The following GEMIN4 variants were observed in gnomAD, a reference collection of about 807,000 sequenced individuals.
GEMIN4 encodes the protein gem-associated protein 4.
A neutral mutation model predicts 76.8 loss-of-function variants in GEMIN4; 59 were observed. The observed-to-expected ratio is 0.77, with a 90% CI of 0.62 to 0.95. The LOEUF (loss-of-function observed/expected upper bound fraction) is 0.95. Ranked by LOEUF, GEMIN4 falls within the 40% of genes least tolerant of loss-of-function variation. The probability of loss-of-function intolerance (pLI) is 0.00; values close to 1 mark genes in which losing one functional copy is unlikely to be tolerated. For missense variants in GEMIN4, 1,311 were observed against 1,318.9 expected, an observed-to-expected ratio of 0.99 and a Z score of 0.09; for synonymous variants, 562 against 559.7, an observed-to-expected ratio of 1.00 and a Z score of -0.06.
At chr17:749,591 G>C (rs1422218384) in intron 1 of GEMIN4, among the ~76,000 whole-genome samples, 1 of 149,958 alleles carries the variant, frequency 6.7e-6, no homozygotes, top group Non-Finnish European at 1.5e-5. Flanking sequence ...ACGGCTACAG[G>C]GTAATGGGCA....
chr17:745,616 G>C lies in GEMIN4; in HGVS notation c.2427C>G (p.Tyr809Ter). The C allele has an allele frequency of 6.2e-7, 1 of 1,606,758 alleles. No individual in the cohort carries two copies. The highest frequency in any genetic ancestry group is 8.5e-7 in the Non-Finnish European group (1 of 1,177,232). Residue 809 changes from tyrosine (Y) to a stop codon, truncating the protein, a stop_gained, in exon 2 of 2, where the codon TAC (tyrosine) becomes TAG (stop). Transcript: ENST00000319004. LOFTEE classifies it high-confidence loss of function. The surrounding 1 kb of genome is among the most constrained non-coding windows in gnomAD (Gnocchi z 4.6). ...AGGCCAGGAGCCCCGTGCCAGCCCC[G>C]TACCCTGGGTGGGCCTGGGAGGTCC... ...DEWTSQAHPGYGAGTGLLAWM... is the reference protein window; with the variant it reads ...DEWTSQAHPG
intron 1 of GEMIN4, chr17:749,859 T>C: frequency 1.0e-6 from 1 of 994,130 alleles, no homozygotes; most frequent in Non-Finnish European, 1.2e-6. Context: ...AGGGAAACGG[T>C]CCACCCCACA....
At position 745,904 on chromosome 17, in the gene GEMIN4, C is replaced by G. The variant is rs1974384541; in HGVS notation, c.2139G>C (p.Gln713His). 1 of 1,612,960 alleles carries G rather than the reference C, an allele frequency of 6.2e-7. No homozygotes were observed. Among genetic ancestry groups the G allele is most frequent in the African/African-American group, 1.3e-5 (1 of 74,900 alleles). ...AGAGGCACCGCTTCTCCTTGGGAAG[C>G]TGCCAGTATTTGCTGAAGCGGTCCA... ...QLLDRFSKYW[Q>H]LPKEKRCLSL... Residue 713 changes from glutamine to histidine, a missense_variant, in exon 2 of 2, where the codon CAG becomes CAC. By Grantham distance (24) the Gln-to-His change is conservative (BLOSUM62 0). Transcript: ENST00000319004. The surrounding 1 kb of genome is among the most constrained non-coding windows in gnomAD (Gnocchi z 4.6).
In GEMIN4 at chr17:745,552, T is replaced by C. The variant is rs1317044147; in HGVS notation, c.2491A>G (p.Arg831Gly). ...CCCVSSGISERMLSLLVVDVG... is the reference protein window; with the variant it reads ...CCCVSSGISEGMLSLLVVDVG... ...TCCACCACCAAGAGAGACAGCATCCTCTCCGAGATGCCGCTGGAGACGCAG... is the reference window on the plus strand; with the variant it reads ...TCCACCACCAAGAGAGACAGCATCCCCTCCGAGATGCCGCTGGAGACGCAG... The change falls in exon 2 of 2, where the codon AGG becomes GGG. Residue 831 changes from arginine (R) to glycine (G), a missense_variant. Coordinates refer to ENST00000319004, the MANE Select transcript of GEMIN4 (RefSeq NM_015721.3). This position sits in a 1 kb window ranked among gnomAD's most constrained non-coding sequence, Gnocchi z 4.6. 1.2e-6 allele frequency: 2 copies of C among 1,612,540 alleles called. No individual in the cohort carries two copies. Among genetic ancestry groups the C allele is most frequent in the South Asian group, 2.2e-5 (2 of 90,996 alleles).
chr17:749,474 A>C (rs1904520661), intron 1 of GEMIN4: 1 of 177,060 alleles, frequency 5.6e-6, no homozygotes, highest in African/African-American at 2.5e-5. Flanking sequence ...GGCACAGAGC[A>C]ATCACACAGC....
Position 745,008 on chromosome 17 carries a change from T to C in GEMIN4, c.3035A>G (p.Tyr1012Cys). 8 of 1,613,942 alleles carry C rather than the reference T, an allele frequency of 5.0e-6. No homozygotes were observed. The highest frequency in any genetic ancestry group is 4.4e-5 in the South Asian group (4 of 91,084). Residue 1012 changes from tyrosine to cysteine, a missense_variant, in exon 2 of 2, where the codon TAT (tyrosine) becomes TGT (cysteine). Transcript: ENST00000319004. The surrounding 1 kb of genome is among the most constrained non-coding windows in gnomAD (Gnocchi z 4.6). ...YVLALETLTC[Y>C]ETLSKTNPSV... ...AGGGTTGGTCTTGCTCAAAGTCTCA[T>C]AGCAGGTGAGGGTTTCCAAGGCTAA...
upstream of GEMIN4, chr17:753,640 G>A (rs2251689): frequency 0.44 from 67,466 of 152,742 alleles, 16,459 homozygotes; most frequent in African/African-American, 0.66. Context: ...GGAGAAACTC[G>A]GTGACTGAGT....
At position 746,281 on chromosome 17, in the gene GEMIN4, G is replaced by A. The variant is rs764701907; in HGVS notation, c.1762C>T (p.Leu588Phe). The change falls in exon 2 of 2, where the codon CTT (leucine) becomes TTT (phenylalanine). Residue 588 changes from leucine to phenylalanine, a missense_variant. By Grantham distance (22) the Leu-to-Phe change is conservative (BLOSUM62 0). Transcript: ENST00000319004. This position sits in a 1 kb window ranked among gnomAD's most constrained non-coding sequence, Gnocchi z 4.3. Reference sequence around the variant, plus strand: ...GGACCCTGCTCTTCCACAAACCTAAGGGCAGGGAAGGCAGTGAGAATCTGG... The same window carrying A: ...GGACCCTGCTCTTCCACAAACCTAAAGGCAGGGAAGGCAGTGAGAATCTGG... ...LAQILTAFPA[L>F]RFVEEQGPNS... The A allele has an allele frequency of 1.1e-5, 17 of 1,613,658 alleles. No homozygotes were observed. The highest frequency in any genetic ancestry group is 1.7e-5 in the Admixed American group (1 of 59,996).
At position 746,364 on chromosome 17, in the gene GEMIN4, G is replaced by T; in HGVS notation, c.1679C>A (p.Thr560Lys). ...AGCCAGGCTGCACATTTTCTTCACC[G>T]TGACTTCCGGGTGCACTATGACCAG... ...ARLVIVHPEV[T>K]VKKMCSLAVV... The change falls in exon 2 of 2, where the codon ACG becomes AAG. Residue 560 changes from threonine to lysine, a missense_variant. This residue lies in a region of GEMIN4 where 1,208 missense variants were observed against 1,166.9 expected (regional missense o/e 1.04). Transcript: ENST00000319004. The surrounding 1 kb of genome is among the most constrained non-coding windows in gnomAD (Gnocchi z 4.3). The T allele has an allele frequency of 6.2e-7, 1 of 1,613,796 alleles. No homozygotes were observed. The highest frequency in any genetic ancestry group is 2.2e-5 in the East Asian group (1 of 44,892).
chr17:751,082 GA>G (rs1597564698), intron 1 of GEMIN4, among the ~76,000 whole-genome samples: 1 of 152,156 alleles, frequency 6.6e-6, no homozygotes, highest in East Asian at 1.9e-4. Flanking sequence ...TTACTAGCTG[GA>G]AAATACTCCG....
chr17:746,039 G>A lies in GEMIN4; in HGVS notation c.2004C>T (p.Asp668=), dbSNP rs1457338248. ...TCTGGATGAAGATCCTCAGACTGAG[G>A]TCTACCTCTTCAACATCTAACCTCA... ...PFLRLDVEEV[D]LSLRIFIQTL... is the part of the protein sequence containing the mutation. The change falls in exon 2 of 2, where the codon GAC becomes GAT. Residue 668 remains aspartate (D), a synonymous_variant. Coordinates refer to ENST00000319004, the MANE Select transcript of GEMIN4 (RefSeq NM_015721.3). This position sits in a 1 kb window ranked among gnomAD's most constrained non-coding sequence, Gnocchi z 4.3. 2 of 1,613,900 alleles carry A rather than the reference G, an allele frequency of 1.2e-6. No homozygotes were observed. Among genetic ancestry groups the A allele is most frequent in the Non-Finnish European group, 1.7e-6 (2 of 1,179,882 alleles).
intron 1 of GEMIN4, chr17:748,272 A>G (rs539929161): frequency 8.4e-5 from 44 of 525,236 alleles, no homozygotes; most frequent in Admixed American, 6.6e-4. Context: ...GACATCACAT[A>G]CAGGGAATGG....
rs763922214 is a variant in GEMIN4 at position 746,827 on chromosome 17, T to G, written c.1216A>C (p.Ile406Leu). ...NRALEDITAS[I>L]AMAVIQQKMD... ...TTCTGCTGGATGACGGCCATGGCAA[T>G]GGAAGCTGTGATATCCTCCAAGGCC... Residue 406 changes from isoleucine to leucine, a missense_variant, in exon 2 of 2, where the codon ATT becomes CTT. Ile to Leu is a conservative substitution (Grantham distance 5, BLOSUM62 2). This residue lies in a region of GEMIN4 where 1,208 missense variants were observed against 1,166.9 expected (regional missense o/e 1.04). Transcript: ENST00000319004. This position sits in a 1 kb window ranked among gnomAD's most constrained non-coding sequence, Gnocchi z 4.3. 1.2e-6 allele frequency: 2 copies of G among 1,613,722 alleles called. No homozygotes were observed. The highest frequency in any genetic ancestry group is 1.7e-6 in the Non-Finnish European group (2 of 1,179,858).
chr17:747,531 T>C lies in GEMIN4; in HGVS notation c.512A>G (p.Lys171Arg), dbSNP rs372611065. The C allele has an allele frequency of 1.1e-5, 18 of 1,613,626 alleles. No individual in the cohort carries two copies. In the African/African-American group the frequency reaches 1.9e-4, roughly 17 times the overall value. ...GAGCAGGGGGTCCTGCGGGTGACCC[T>C]TGTGCTTCATCACCTCCCACCAGAC... The part of the protein sequence containing the change: ...LDVWWEVMKH[K>R]GHPQDPLLSQ... Residue 171 changes from lysine to arginine, a missense_variant, in exon 2 of 2, where the codon AAG becomes AGG. By Grantham distance (26) the Lys-to-Arg change is conservative. Around this residue, in one of 2 missense-constraint regions of GEMIN4, gnomAD observed 1,208 missense variants for 1,166.9 expected, o/e 1.04. Coordinates refer to ENST00000319004, the MANE Select transcript of GEMIN4 (RefSeq NM_015721.3).
upstream of GEMIN4, chr17:753,939 C>G (rs1057495074): frequency 6.6e-6 from 1 of 152,274 alleles, no homozygotes; most frequent in Admixed American, 6.5e-5. Context: ...CAAAAGCCCC[C>G]ACTGGAACAC....
chr17:750,683 T>A (rs919939167), intron 1 of GEMIN4, among the ~76,000 whole-genome samples: 14 of 151,958 alleles, frequency 9.2e-5, no homozygotes, highest in Non-Finnish European at 1.6e-4. Context: ...GAGCTCATAT[T>A]CCCCATTTTC....
chr17:752,243 G>C lies in GEMIN4; in HGVS notation c.-101C>G, dbSNP rs564101650. On this transcript the variant is annotated 5_prime_UTR_variant, in exon 1 of 2. Transcript: ENST00000319004. Reference sequence around the variant, plus strand: ...GCACGATGGGAGACGCAGGAGCCACGGCGGCCGCGCTTAGGCCTGCTCACA... The same window carrying C: ...GCACGATGGGAGACGCAGGAGCCACCGCGGCCGCGCTTAGGCCTGCTCACA... 151 of 1,228,216 alleles carry C rather than the reference G, an allele frequency of 1.2e-4. 3 individuals carry two copies. The African/African-American group carries it at 2.0e-3, about 17-fold the overall frequency. The allele number at this position is 1,228,216 out of a possible 1,614,324, so 76.1% of individuals were successfully genotyped here.
chr17:752,599 C>T (rs549734789), upstream of GEMIN4: 6 of 977,616 alleles, frequency 6.1e-6, no homozygotes, highest in Admixed American at 5.7e-5. Flanking sequence ...CTCCCACCCG[C>T]CCAGCTCGCG....
upstream of GEMIN4, chr17:754,152 G>GGGGACGGT (rs1430289103): frequency 6.6e-6 from 1 of 152,374 alleles, no homozygotes; most frequent in East Asian, 1.9e-4. Flanking sequence ...TTTCTGCTTA[G>GGGGACGGT]GGGACGGTGG....
Sources: gnomAD v4.1 joint callset for allele counts (sites outside exome capture counted in the v4.1 genomes callset) on GRCh38, gnomAD v4.1.1 for gene constraint, gnomAD v4.1.1 regional missense constraint, Gnocchi (gnomAD v3.1) non-coding constraint, MANE v1.5 for transcripts, NCBI Gene and HGNC (gene_info 2026-07-23, HGNC 2026-07-21) for gene names.